MTREX: variants seen among roughly 807,000 people sequenced by gnomAD.
MTREX encodes the protein exosome RNA helicase MTR4.
A neutral mutation model predicts 135.4 loss-of-function variants in MTREX; 76 were observed. That is an observed-to-expected ratio of 0.56 (90% CI 0.47 to 0.68). The LOEUF (loss-of-function observed/expected upper bound fraction) is 0.68, where lower values mean the gene tolerates loss of function less well. Among genes scored for constraint, MTREX ranks in the 30% least tolerant of loss-of-function variants. MTREX has a pLI of 0.00. For synonymous variants in MTREX, 404 were observed against 401.6 expected (o/e 1.01, Z -0.07); for missense variants, 920 against 1,262.1 (o/e 0.73, Z 4.11).
chr5:55,366,918 A>G, intron 16 of MTREX, 43 bp downstream of exon 16: 1 of 1,440,400 alleles, frequency 6.9e-7, no homozygotes. Context: ...TAGCTAGGAG[A>G]CTGACTAGCA....
At position 55,378,505 on chromosome 5, in the gene MTREX, A is replaced by G; in HGVS notation, c.1983+19A>G. 3 of 1,584,574 alleles carry G rather than the reference A, an allele frequency of 1.9e-6. No homozygotes were observed. Among genetic ancestry groups the G allele is most frequent in the South Asian group, 2.4e-5 (2 of 84,044 alleles). On this transcript the variant is annotated intron_variant, in intron 17 of 26. Coordinates refer to ENST00000230640, the MANE Select transcript of MTREX (RefSeq NM_015360.5). ...GGTAAAGGTATGTCATTGTTTCTTCATAAAATACTTGAATAATTCAATATT... is the reference window on the plus strand; with the variant it reads ...GGTAAAGGTATGTCATTGTTTCTTCGTAAAATACTTGAATAATTCAATATT...
At chr5:55,410,207 C>A (rs1241269081) in intron 22 of MTREX, among the ~76,000 whole-genome samples, 2 of 152,014 alleles carry the variant, frequency 1.3e-5, no homozygotes. Flanking sequence ...TTAAAAGAGT[C>A]CTTTGGCCCT....
chr5:55,313,273 C>CA (rs34340973), intron 1 of MTREX, among the ~76,000 whole-genome samples: 16,789 of 96,932 alleles, frequency 0.17, 1,205 homozygotes, highest in East Asian at 0.31. Flanking sequence ...CCTGTCTCTA[C>CA]AAAAAAAAAA....
chr5:55,410,487 T>TATA, intron 22 of MTREX, 37 bp from the exon 23 acceptor site: 1 of 850,646 alleles, frequency 1.2e-6, no homozygotes, highest in Non-Finnish European at 1.8e-6. Flanking sequence ...TGTGTCTTTA[T>TATA]ATTCTGACAT....
At chr5:55,345,698 G>A (rs1011233949) in intron 10 of MTREX, among the ~76,000 whole-genome samples, 5 of 139,948 alleles carry the variant, frequency 3.6e-5, no homozygotes, top group African/African-American at 5.4e-5. Context: ...ACAGTGTCTC[G>A]CTCTGTCACC....
intron 3 of MTREX, among the ~76,000 whole-genome samples, chr5:55,326,765 G>C (rs568265289): frequency 6.6e-6 from 1 of 152,080 alleles, no homozygotes; most frequent in Non-Finnish European, 1.5e-5. Context: ...TGTTACATGG[G>C]TATACACCTG....
intron 5 of MTREX, among the ~76,000 whole-genome samples, chr5:55,335,745 T>C (rs1044786058): frequency 6.6e-5 from 10 of 152,146 alleles, no homozygotes; most frequent in African/African-American, 2.4e-4. Flanking sequence ...CCAGGTCTTT[T>C]GTATTTCCAA....
At position 55,335,472 on chromosome 5, in the gene MTREX, A is replaced by T. The variant is rs192219527; in HGVS notation, c.516-4538A>T. ...TCCATTTAGATCTGTGATTCTTCTC[A>T]AGTTAGTTTTTCTGTAAGATGTGAG... On this transcript the variant is annotated intron_variant, in intron 5 of 26. Coordinates refer to ENST00000230640, the MANE Select transcript of MTREX (RefSeq NM_015360.5). 2.0e-5 allele frequency among the ~76,000 whole-genome samples: 3 copies of T among 152,062 alleles called. No homozygotes were observed. In the East Asian group the frequency reaches 5.8e-4, roughly 29 times the overall value.
At chr5:55,389,473 C>T (rs868604992) in intron 19 of MTREX, among the ~76,000 whole-genome samples, 1 of 152,046 alleles carries the variant, frequency 6.6e-6, no homozygotes, top group Admixed American at 6.5e-5. Context: ...TTTCAGTCTA[C>T]GCTGCTAAGG....
chr5:55,340,269 G>C, intron 6 of MTREX, 85 bp downstream of exon 6: 1 of 1,084,984 alleles, frequency 9.2e-7, no homozygotes, highest in South Asian at 2.3e-5. Flanking sequence ...AGTTTTATTG[G>C]TTGCTCTACT....
chr5:55,421,274 G>A (rs528027733), intron 25 of MTREX, among the ~76,000 whole-genome samples: 1 of 152,258 alleles, frequency 6.6e-6, no homozygotes, highest in East Asian at 1.9e-4. Flanking sequence ...CTACTTAATC[G>A]TCAGTCTTCA....
chr5:55,321,629 G>A (rs1300106589), intron 1 of MTREX, among the ~76,000 whole-genome samples: 2 of 105,374 alleles, frequency 1.9e-5, no homozygotes, highest in South Asian at 6.0e-4. Context: ...TTTTTTTCCT[G>A]AGACAGTCTT....
rs1749698346 is a variant in MTREX at position 55,344,444 on chromosome 5, G to A, written c.907-78G>A. ...TGAATTCATTACTTGATTTTCTTAAGATCTTTTAGGTTGGACTAAGATACA... is the reference window on the plus strand; with the variant it reads ...TGAATTCATTACTTGATTTTCTTAAAATCTTTTAGGTTGGACTAAGATACA... On this transcript the variant is annotated intron_variant, in intron 8 of 26. Transcript: ENST00000230640. 7 of 879,604 alleles carry A rather than the reference G, an allele frequency of 8.0e-6. No individual in the cohort carries two copies. The South Asian group carries it at 1.1e-4, about 14-fold the overall frequency. The allele number at this position is 879,604 out of a possible 1,614,324, so 54.5% of individuals were successfully genotyped here.
intron 26 of MTREX, 37 bp from the exon 27 acceptor site, chr5:55,424,683 G>A: frequency 6.7e-7 from 1 of 1,503,176 alleles, no homozygotes; most frequent in South Asian, 1.1e-5. Flanking sequence ...GTGTTTTGTG[G>A]TCTTGAAAGT....
intron 22 of MTREX, 122 bp from the exon 23 acceptor site, chr5:55,410,402 C>T: frequency 6.6e-6 from 3 of 451,750 alleles, no homozygotes; most frequent in South Asian, 1.2e-4. Context: ...ATTGTCATTC[C>T]TCATTGATTA....
chr5:55,348,049 G>T (rs532908458), intron 11 of MTREX, among the ~76,000 whole-genome samples: 7 of 152,326 alleles, frequency 4.6e-5, no homozygotes, highest in African/African-American at 1.7e-4. Flanking sequence ...GGAACTACAA[G>T]ATGAGTTTTG....
At position 55,425,039 on chromosome 5, in the gene MTREX, T is replaced by C; in HGVS notation, c.*267T>C. On this transcript the variant is annotated 3_prime_UTR_variant, in exon 27 of 27. Transcript: ENST00000230640. ...GAGTTTAGAGCTATTAGATAACCAC[T>C]GAGTTAAAGGTAACTATGTACACAC... The C allele has an allele frequency of 1.1e-6, 1 of 939,864 alleles. No homozygotes were observed. The highest frequency in any genetic ancestry group is 1.8e-5 in the South Asian group (1 of 57,090). The allele number at this position is 939,864 out of a possible 1,614,324, so 58.2% of individuals were successfully genotyped here.
intron 11 of MTREX, 96 bp from the exon 12 acceptor site, chr5:55,349,477 C>A (rs980580676): frequency 1.4e-6 from 1 of 728,578 alleles, no homozygotes; most frequent in Admixed American, 2.2e-5. Context: ...GCTTGGGACA[C>A]CACGCCTGGC....
chr5:55,378,293 G>A lies in MTREX; in HGVS notation c.1811-21G>A, dbSNP rs10035608. On this transcript the variant is annotated intron_variant, in intron 16 of 26. Coordinates refer to ENST00000230640, the MANE Select transcript of MTREX (RefSeq NM_015360.5). ...ATAAGATGTATAACCTTTTAATTTTGTACATGTGTTCTATTTACAGAGGTA... is the reference window on the plus strand; with the variant it reads ...ATAAGATGTATAACCTTTTAATTTTATACATGTGTTCTATTTACAGAGGTA... 1.3e-3 allele frequency: 1,978 copies of A among 1,558,074 alleles called. 23 individuals carry two copies. In the African/African-American group the frequency reaches 0.025, roughly 19 times the overall value.
Sources: gnomAD v4.1 joint callset for allele counts (sites outside exome capture counted in the v4.1 genomes callset) on GRCh38, gnomAD v4.1.1 for gene constraint, MANE v1.5 for transcripts, NCBI Gene and HGNC (gene_info 2026-07-23, HGNC 2026-07-21) for gene names.